The following SYVN1 variants were observed in gnomAD, a reference collection of about 807,000 sequenced individuals.
SYVN1 encodes synoviolin 1, also known as E3 ubiquitin-protein ligase synoviolin.
SYVN1 carries 17 observed loss-of-function variants against 62.6 expected under a neutral mutation model. The observed-to-expected ratio is 0.27, with a 90% CI of 0.19 to 0.41. The LOEUF is 0.41. Ranked by LOEUF, SYVN1 falls within the 10% of genes least tolerant of loss-of-function variation. The probability of loss-of-function intolerance (pLI) is 1.00; values close to 1 mark genes in which losing one functional copy is unlikely to be tolerated. For missense variants in SYVN1, 634 were observed against 818.0 expected (o/e 0.78, Z 2.74); for synonymous variants, 316 against 304.0 (o/e 1.04, Z -0.41).
chr11:65,132,633 A>T lies in SYVN1; in HGVS notation c.427+99T>A, dbSNP rs114340641. On this transcript the variant is annotated intron_variant, in intron 5 of 15. Transcript: ENST00000377190. ...ACTATGCAAATTAACTTCCTAAATTATCTTTCCTGTACAGCTGTGGGGGGT... is the reference window on the plus strand; with the variant it reads ...ACTATGCAAATTAACTTCCTAAATTTTCTTTCCTGTACAGCTGTGGGGGGT... 2,238 of 1,368,872 alleles carry T rather than the reference A, an allele frequency of 1.6e-3. 26 individuals carry two copies. The African/African-American group carries it at 0.026, about 16-fold the overall frequency. The allele number at this position is 1,368,872 out of a possible 1,614,324, so 84.8% of individuals were successfully genotyped here. A position where few individuals can be genotyped will look rare whatever the true frequency, so the allele number is the denominator to read the frequency against.
chr11:65,129,542 A>G, intron 14 of SYVN1, 187 bp downstream of exon 14: 1 of 581,352 alleles, frequency 1.7e-6, no homozygotes, highest in African/African-American at 1.9e-5. Context: ...TTAGATCCAG[A>G]CATGCTTTCT....
Position 65,133,459 on chromosome 11 carries a change from C to A in SYVN1, c.132+11G>T, listed in dbSNP as rs761076172. 1 of 1,613,462 alleles carries A rather than the reference C, an allele frequency of 6.2e-7. No homozygotes were observed. The highest frequency in any genetic ancestry group is 8.5e-7 in the Non-Finnish European group (1 of 1,179,824). ...CCAGGGAGTTCCTCCCTCCCTGAGC[C>A]CTGAACTCACTGCCATGCTGGGGCT... On this transcript the variant is annotated intron_variant, in intron 2 of 15. Coordinates refer to ENST00000377190, the MANE Select transcript of SYVN1 (RefSeq NM_172230.3).
In SYVN1 at chr11:65,134,486, C is replaced by T. The variant is rs1948222735; in HGVS notation, c.-48G>A. On this transcript the variant is annotated 5_prime_UTR_variant, in exon 1 of 16. Coordinates refer to ENST00000377190, the MANE Select transcript of SYVN1 (RefSeq NM_172230.3). ...ACCCAGCGCCGCGAGCCCGCTCAATCCGCGCGACTGCGGCTGCCCCTCCGG... is the reference window on the plus strand; with the variant it reads ...ACCCAGCGCCGCGAGCCCGCTCAATTCGCGCGACTGCGGCTGCCCCTCCGG... 1 of 152,766 alleles carries T rather than the reference C, an allele frequency of 6.5e-6. No individual in the cohort carries two copies. Among genetic ancestry groups the T allele is most frequent in the Non-Finnish European group, 1.5e-5 (1 of 68,112 alleles). The allele number at this position is 152,766 out of a possible 1,614,324, so 9.5% of individuals were successfully genotyped here.
At position 65,128,319 on chromosome 11, in the gene SYVN1, G is replaced by T; in HGVS notation, c.*63C>A. 7.4e-7 allele frequency: 1 copy of T among 1,358,916 alleles called. No homozygotes were observed. Among genetic ancestry groups the T allele is most frequent in the Non-Finnish European group, 1.0e-6 (1 of 973,984 alleles). The allele number at this position is 1,358,916 out of a possible 1,614,324, so 84.2% of individuals were successfully genotyped here. On this transcript the variant is annotated 3_prime_UTR_variant, in exon 16 of 16. Transcript: ENST00000377190. ...ACAGAGAGGGAGCTGGCACTTGGTG[G>T]CAGGACATGTTCCAGCGAGGGCTGC...
intron 5 of SYVN1, 69 bp downstream of exon 5, chr11:65,132,663 T>C (rs1948196361): frequency 5.3e-6 from 8 of 1,516,016 alleles, no homozygotes; most frequent in Admixed American, 3.3e-5. Context: ...GGGGGTAGCC[T>C]GTGCTCTGGA....
Position 65,130,971 on chromosome 11 carries a change from T to C in SYVN1, c.890A>G (p.Glu297Gly). Reference sequence around the variant, plus strand: ...CAGTCTCTTGGCACCAGTCACCATCTCTTCTCGGCAGATGATGCAGACATT... The same window carrying C: ...CAGTCTCTTGGCACCAGTCACCATCCCTTCTCGGCAGATGATGCAGACATT... ...MDNVCIICRE[E>G]MVTGAKRLPC... Residue 297 changes from glutamate to glycine, a missense_variant, in exon 10 of 16, where the codon GAG (glutamate) becomes GGG (glycine). This residue lies in a region of SYVN1 where 283 missense variants were observed against 444.7 expected (regional missense o/e 0.64). Coordinates refer to ENST00000377190, the MANE Select transcript of SYVN1 (RefSeq NM_172230.3). 2 of 1,614,098 alleles carry C rather than the reference T, an allele frequency of 1.2e-6. No homozygotes were observed. Among genetic ancestry groups the C allele is most frequent in the Non-Finnish European group, 1.7e-6 (2 of 1,180,020 alleles).
Position 65,130,137 on chromosome 11 carries a change from C to T in SYVN1, c.1273G>A (p.Ala425Thr), listed in dbSNP as rs770380383. 8.1e-6 allele frequency: 13 copies of T among 1,609,724 alleles called. No homozygotes were observed. Among genetic ancestry groups the T allele is most frequent in the Non-Finnish European group, 1.1e-5 (13 of 1,177,338 alleles). Reference protein sequence around the residue: ...SRPSGAATTTAAGTSATAASA... With the variant: ...SRPSGAATTTTAGTSATAASA... ...GCAGCAGTAGCACTGGTGCCAGCAG[C>T]TGTGGTTGTAGCTGCTCCACTGGGC... Residue 425 changes from alanine to threonine, a missense_variant, in exon 13 of 16, where the codon GCT (alanine) becomes ACT (threonine). Physicochemically the swap from Ala to Thr is moderately conservative, Grantham distance 58 (BLOSUM62 0). Around this residue, in one of 2 missense-constraint regions of SYVN1, gnomAD observed 351 missense variants for 373.3 expected, o/e 0.94. Coordinates refer to ENST00000377190, the MANE Select transcript of SYVN1 (RefSeq NM_172230.3).
chr11:65,131,084 G>A, intron 9 of SYVN1, 48 bp from the exon 10 acceptor site: 2 of 1,613,624 alleles, frequency 1.2e-6, no homozygotes, highest in Non-Finnish European at 1.7e-6. Flanking sequence ...TGGAAGCAGA[G>A]GGACCCAGGA....
chr11:65,130,215 G>A (rs770508183), intron 12 of SYVN1, 36 bp downstream of exon 12: 15 of 1,609,402 alleles, frequency 9.3e-6, no homozygotes, highest in Non-Finnish European at 1.1e-5. Context: ...TTCCATCCCT[G>A]CCGCCCCCTG....
Position 65,131,453 on chromosome 11 carries a change from G to A in SYVN1, c.658+17C>T. 1 of 1,613,948 alleles carries A rather than the reference G, an allele frequency of 6.2e-7. No individual in the cohort carries two copies. Among genetic ancestry groups the A allele is most frequent in the East Asian group, 2.2e-5 (1 of 44,868 alleles). ...AGGATGCTGGTCCAGATCAGGAGAGGCCCAGGCCCCTCTCACCTGTAAACA... is the reference window on the plus strand; with the variant it reads ...AGGATGCTGGTCCAGATCAGGAGAGACCCAGGCCCCTCTCACCTGTAAACA... On this transcript the variant is annotated intron_variant, in intron 7 of 15. Transcript: ENST00000377190.
At position 65,128,664 on chromosome 11, in the gene SYVN1, G is replaced by A. The variant is rs942247999; in HGVS notation, c.1646C>T (p.Thr549Ile). The A allele has an allele frequency of 1.2e-6, 2 of 1,613,936 alleles. No individual in the cohort carries two copies. The highest frequency in any genetic ancestry group is 1.7e-6 in the Non-Finnish European group (2 of 1,179,898). The change falls in exon 15 of 16, where the codon ACA becomes ATA. Residue 549 changes from threonine (T) to isoleucine (I), a missense_variant. Transcript: ENST00000377190. ...SVNSTEETAT[T>I]VVAAASSTSI... is the part of the protein sequence containing the mutation. ...GGTGGAGGAGGCAGCAGCAACAACT[G>A]TAGTGGCAGTCTCCTCAGTGGAGTT...
At chr11:65,133,979 G>A (rs1948214698) in intron 1 of SYVN1, among the ~76,000 whole-genome samples, 1 of 152,232 alleles carries the variant, frequency 6.6e-6, no homozygotes, top group African/African-American at 2.4e-5. Context: ...GGCAACAGCA[G>A]AAATCTGCTC....
chr11:65,132,287 C>T lies in SYVN1; in HGVS notation c.492G>A (p.Leu164=). The T allele has an allele frequency of 6.2e-7, 1 of 1,614,114 alleles. No individual in the cohort carries two copies. Among genetic ancestry groups the T allele is most frequent in the South Asian group, 1.1e-5 (1 of 91,060 alleles). Reference sequence around the variant, plus strand: ...CCAGCTGCACAGAGGCCCCACGGGTCAGGATGCTGTGATAGGCGTGGCTGA... The same window carrying T: ...CCAGCTGCACAGAGGCCCCACGGGTTAGGATGCTGTGATAGGCGTGGCTGA... ...LFVSHAYHSI[L]TRGASVQLVF... is the part of the protein sequence containing the mutation. Residue 164 remains leucine, a synonymous_variant, in exon 6 of 16, where the codon CTG becomes CTA. Transcript: ENST00000377190.
At chr11:65,132,402 C>T in intron 5 of SYVN1, 51 bp from the exon 6 acceptor site, 2 of 1,318,534 alleles carry the variant, frequency 1.5e-6, no homozygotes, top group Non-Finnish European at 2.2e-6. Context: ...CAGGGCCCAA[C>T]AGCTGTTTAA....
intron 6 of SYVN1, 53 bp from the exon 7 acceptor site, chr11:65,131,649 C>T (rs1481716440): frequency 1.3e-6 from 2 of 1,595,610 alleles, no homozygotes; most frequent in Non-Finnish European, 1.7e-6. Flanking sequence ...CCCCTTGCTG[C>T]ACCCACATTG....
At chr11:65,132,693 G>C (rs754440457) in intron 5 of SYVN1, 39 bp downstream of exon 5, 1 of 1,609,544 alleles carries the variant, frequency 6.2e-7, no homozygotes, top group Non-Finnish European at 8.5e-7. Context: ...CACGGTTCAC[G>C]TTCCAGTCCT....
Position 65,133,087 on chromosome 11 carries a change from C to G in SYVN1, c.226-13G>C. ...GTTCCAGAAGGTGCTGGGGGCCAGG[C>G]AGGGAATAATGTGGATACCAAACAT... On this transcript the variant is annotated splice_polypyrimidine_tract_variant and intron_variant, in intron 3 of 15. Transcript: ENST00000377190. The G allele has an allele frequency of 6.2e-7, 1 of 1,614,158 alleles. No individual in the cohort carries two copies. The highest frequency in any genetic ancestry group is 8.5e-7 in the Non-Finnish European group (1 of 1,180,026).
At chr11:65,132,634 T>A (rs570747146) in intron 5 of SYVN1, 98 bp downstream of exon 5, 66 of 1,369,710 alleles carry the variant, frequency 4.8e-5, no homozygotes, top group Non-Finnish European at 6.9e-5. Context: ...TCCTAAATTA[T>A]CTTTCCTGTA....
rs1386802173 is a variant in SYVN1 at position 65,133,879 on chromosome 11, C to T, written c.-17-261G>A. On this transcript the variant is annotated intron_variant, in intron 1 of 15. Coordinates refer to ENST00000377190, the MANE Select transcript of SYVN1 (RefSeq NM_172230.3). The stretch of plus-strand genomic sequence containing the variant: ...TCTTTCCACGCTGCCTGCCAAGCCG[C>T]CTCCTCTAGGGAGGTGATGAGGAAA... 6.6e-5 allele frequency among the ~76,000 whole-genome samples: 10 copies of T among 152,248 alleles called. No individual in the cohort carries two copies. The East Asian group carries it at 1.9e-3, about 29-fold the overall frequency.
Sources: allele counts gnomAD v4.1 joint callset (sites outside exome capture counted in the v4.1 genomes callset), GRCh38; gene constraint gnomAD v4.1.1; regional missense constraint gnomAD v4.1.1; transcripts MANE v1.5; gene names NCBI Gene and HGNC (gene_info 2026-07-23, HGNC 2026-07-21).